ALG5: variants seen among roughly 807,000 people sequenced by gnomAD.
ALG5 encodes the protein ALG5 dolichyl-phosphate beta-glucosyltransferase, also known as dolichyl-phosphate beta-glucosyltransferase.
ALG5 carries 26 observed loss-of-function variants against 51.8 expected under a neutral mutation model. The observed-to-expected ratio is 0.50, with a 90% CI of 0.37 to 0.70. The LOEUF is 0.70. Ranked by LOEUF, ALG5 falls within the 30% of genes least tolerant of loss-of-function variation. The pLI is 0.00. For missense variants in ALG5, 311 were observed against 399.3 expected (o/e 0.78, Z 1.88); for synonymous variants, 141 against 136.1 (o/e 1.04, Z -0.25).
At chr13:36,995,284 C>T (rs1013860041) in intron 2 of ALG5, 141 bp downstream of exon 2, 48 of 946,744 alleles carry the variant, frequency 5.1e-5, no homozygotes, top group East Asian at 7.8e-5. Context: ...CCCTCTCTGC[C>T]GAACTACAAC....
Position 36,972,853 on chromosome 13 carries a change from G to A in ALG5, c.562-817C>T, listed in dbSNP as rs370797615. Among the ~76,000 whole-genome samples the A allele has an allele frequency of 2.0e-4, 30 of 151,968 alleles. No homozygotes were observed. In the East Asian group the frequency reaches 4.1e-3, roughly 21 times the overall value. ...TAAAAATTCACAAAATTAGCTGGGC[G>A]TGGTGGCGGGCGCCTGTAATCCCAG... On this transcript the variant is annotated intron_variant, in intron 6 of 9. Transcript: ENST00000239891.
rs773706856 is a variant in ALG5, at chr13:36,995,052, T to C, written c.239-17A>G. 23 of 1,609,788 alleles carry C rather than the reference T, an allele frequency of 1.4e-5. No individual in the cohort carries two copies. Among genetic ancestry groups the C allele is most frequent in the South Asian group, 2.2e-5 (2 of 90,884 alleles). On this transcript the variant is annotated splice_polypyrimidine_tract_variant and intron_variant, in intron 2 of 9. Transcript: ENST00000239891. ...TCACAGGCACTTGAAGAAAAAAATA[T>C]ATTAAAAATCACTTTTGAAAATGAT... is the stretch of plus-strand genomic sequence containing the variant.
intron 6 of ALG5, among the ~76,000 whole-genome samples, chr13:36,979,364 G>C (rs1344277826): frequency 6.6e-6 from 1 of 152,186 alleles, no homozygotes; most frequent in Non-Finnish European, 1.5e-5. Context: ...TTTGGAGGTT[G>C]AGTTCTCTTT....
chr13:36,967,480 C>T (rs2058900353), intron 7 of ALG5, among the ~76,000 whole-genome samples: 1 of 152,126 alleles, frequency 6.6e-6, no homozygotes, highest in African/African-American at 2.4e-5. Context: ...GTTCTTCATA[C>T]AGGAAGAAAG....
At chr13:36,997,381 G>A (rs7999226) in intron 1 of ALG5, among the ~76,000 whole-genome samples, 3,235 of 145,360 alleles carry the variant, frequency 0.022, 114 homozygotes, top group African/African-American at 0.077. Flanking sequence ...GCTGAGGCAG[G>A]AGAATTGCTT....
At chr13:36,993,547 T>C in intron 4 of ALG5, 57 bp downstream of exon 4, 1 of 1,461,430 alleles carries the variant, frequency 6.8e-7, no homozygotes, top group Non-Finnish European at 9.6e-7. Context: ...ATTTCACATG[T>C]GCAAAATTAT....
chr13:36,971,100 G>A (rs950919472), intron 7 of ALG5, among the ~76,000 whole-genome samples: 3 of 152,100 alleles, frequency 2.0e-5, no homozygotes, highest in African/African-American at 4.8e-5. Flanking sequence ...CCTCATGTGC[G>A]TAAGAGGGAC....
chr13:36,951,724 A>T (rs1207218902), intron 9 of ALG5, among the ~76,000 whole-genome samples: 1 of 152,234 alleles, frequency 6.6e-6, no homozygotes. Flanking sequence ...TTTTGGATAT[A>T]TGTACAGATA....
chr13:36,995,114 A>G (rs2059043111), intron 2 of ALG5, 79 bp from the exon 3 acceptor site: 10 of 1,261,736 alleles, frequency 7.9e-6, no homozygotes, highest in Non-Finnish European at 1.1e-5. Context: ...CATACAGAAA[A>G]AAGTCCCAAT....
chr13:36,970,059 CATAT>C (rs1050541362), intron 7 of ALG5, among the ~76,000 whole-genome samples: 1 of 148,820 alleles, frequency 6.7e-6, no homozygotes, highest in Admixed American at 6.7e-5. Context: ...TATAATTATA[CATAT>C]ATATACTATT....
chr13:36,986,165 T>C (rs182330208), intron 5 of ALG5, among the ~76,000 whole-genome samples: 51 of 152,320 alleles, frequency 3.3e-4, no homozygotes, highest in African/African-American at 1.2e-3. Context: ...TTCTAATATA[T>C]AGATATGCTG....
intron 6 of ALG5, among the ~76,000 whole-genome samples, chr13:36,976,565 T>C (rs1399274247): frequency 6.6e-6 from 1 of 151,480 alleles, no homozygotes; most frequent in East Asian, 1.9e-4. Flanking sequence ...CTGGCCAACA[T>C]GGCAAAACCT....
chr13:36,949,986 A>G lies in ALG5; in HGVS notation c.931T>C (p.Leu311=). The change falls in exon 10 of 10, where the codon TTG becomes CTG. Residue 311 remains leucine (L), a synonymous_variant. Transcript: ENST00000239891. The part of the protein sequence containing the change: ...KDLLFIRLRY[L]TGAWRLEQTR... ...TGCTCAAGCCTCCAGGCACCAGTCA[A>G]ATATCGAAGTCGTATAAAAAGTAGG... The G allele has an allele frequency of 6.2e-7, 1 of 1,613,472 alleles. No individual in the cohort carries two copies. The highest frequency in any genetic ancestry group is 8.5e-7 in the Non-Finnish European group (1 of 1,179,844).
At chr13:36,975,080 A>G (rs1309879801) in intron 6 of ALG5, among the ~76,000 whole-genome samples, 4 of 152,152 alleles carry the variant, frequency 2.6e-5, no homozygotes, top group Admixed American at 1.3e-4. Context: ...GCGTGGTGGC[A>G]TGCGCCTGTA....
At chr13:36,977,705 T>C (rs1419216200) in intron 6 of ALG5, among the ~76,000 whole-genome samples, 3 of 137,718 alleles carry the variant, frequency 2.2e-5, no homozygotes, top group East Asian at 4.4e-4. Context: ...GGCATGAGAA[T>C]TGCTTGAACT....
At chr13:36,993,516 C>A in intron 4 of ALG5, 88 bp downstream of exon 4, 1 of 1,088,414 alleles carries the variant, frequency 9.2e-7, no homozygotes, top group Non-Finnish European at 1.4e-6. Flanking sequence ...GCTTTAGGGT[C>A]CCCTGGTGAA....
In ALG5 at chr13:36,990,269, C is replaced by T. The variant is rs1054208832; in HGVS notation, c.355-693G>A. 4.6e-5 allele frequency among the ~76,000 whole-genome samples: 7 copies of T among 152,186 alleles called. 1 individual carries two copies. In the South Asian group the frequency reaches 1.2e-3, roughly 27 times the overall value. ...TGCATTTCATCACCCATTTATTTTT[C>T]GGTCCACTGTAGTAGGGCTCATGCC... On this transcript the variant is annotated intron_variant, in intron 4 of 9. Transcript: ENST00000239891.
intron 1 of ALG5, 43 bp downstream of exon 1, chr13:36,999,192 G>A: frequency 6.6e-7 from 1 of 1,518,834 alleles, no homozygotes; most frequent in South Asian, 1.2e-5. Context: ...CTCCAGGAGA[G>A]CGGTAAGCCC....
intron 3 of ALG5, among the ~76,000 whole-genome samples, 159 bp from the exon 4 acceptor site, chr13:36,993,831 G>A (rs1002240082): frequency 3.4e-5 from 5 of 149,046 alleles, no homozygotes; most frequent in African/African-American, 1.3e-4. Context: ...AAAAGGCTAA[G>A]TAAAAAGAGA....
Sources: gnomAD v4.1 joint callset for allele counts (sites outside exome capture counted in the v4.1 genomes callset) on GRCh38, gnomAD v4.1.1 for gene constraint, MANE v1.5 for transcripts, NCBI Gene and HGNC (gene_info 2026-07-23, HGNC 2026-07-21) for gene names.